The following PIN4 variants were observed in gnomAD, a reference collection of about 807,000 sequenced individuals.
PIN4 encodes peptidylprolyl cis/trans isomerase, NIMA-interacting 4, also known as peptidyl-prolyl cis-trans isomerase NIMA-interacting 4.
PIN4 carries 3 observed loss-of-function variants against 8.3 expected under a neutral mutation model. The observed-to-expected ratio is 0.36, with a 90% confidence interval of 0.16 to 0.93. The LOEUF (loss-of-function observed/expected upper bound fraction) is 0.93. Ranked by LOEUF, PIN4 falls within the 40% of genes least tolerant of loss-of-function variation. PIN4 has a pLI of 0.44. For missense variants in PIN4, 75 were observed against 100.6 expected (o/e 0.75, Z 1.09); for synonymous variants, 18 against 32.5 (o/e 0.55, Z 1.52).
intron 2 of PIN4, among the ~76,000 whole-genome samples, chrX:72,189,480 T>A (rs1366704952): frequency 8.9e-6 from 1 of 112,258 alleles, no homozygotes; most frequent in African/African-American, 3.3e-5. Flanking sequence ...GGATTGGTTT[T>A]ATTCACCCAG....
chrX:72,232,822 T>G, intron 3 of PIN4, among the ~76,000 whole-genome samples: 1 of 109,939 alleles, frequency 9.1e-6, no homozygotes, highest in South Asian at 3.9e-4. Flanking sequence ...GAAAAGAAAA[T>G]CACCACTTTG....
At chrX:72,186,802 C>T (rs1017022069) in intron 2 of PIN4, among the ~76,000 whole-genome samples, 12 of 111,241 alleles carry the variant, frequency 1.1e-4, no homozygotes, top group African/African-American at 3.6e-4. Context: ...CACTTGTAAT[C>T]CTAGCTACTT....
chrX:72,207,607 A>G (rs775077750), intron 3 of PIN4: 2 of 1,211,488 alleles, frequency 1.7e-6, no homozygotes, highest in South Asian at 1.8e-5. Context: ...GATATGATCT[A>G]AAGACACAAA....
intron 3 of PIN4, among the ~76,000 whole-genome samples, chrX:72,216,503 G>A (rs981788340): frequency 9.0e-6 from 1 of 111,591 alleles, no homozygotes; most frequent in Non-Finnish European, 1.9e-5. Flanking sequence ...CATTCACAAC[G>A]TGTAATCATC....
chrX:72,240,388 A>G (rs919942789), intron 3 of PIN4, among the ~76,000 whole-genome samples: 1 of 112,161 alleles, frequency 8.9e-6, no homozygotes, highest in African/African-American at 3.2e-5. Context: ...GAACACAGAC[A>G]TGACTCCTCA....
At chrX:72,199,297 G>A (rs1399247935), downstream of PIN4, among the ~76,000 whole-genome samples, 4 of 111,788 alleles carry the variant, frequency 3.6e-5, no homozygotes, top group Non-Finnish European at 7.5e-5. Context: ...CACTTTGGGA[G>A]GCTGATGCAG....
chrX:72,182,543 CAA>C (rs796279342), intron 1 of PIN4, among the ~76,000 whole-genome samples: 5 of 89,799 alleles, frequency 5.6e-5, no homozygotes, highest in Non-Finnish European at 1.1e-4. Flanking sequence ...GCCTCTGTCT[CAA>C]AAAAAAAAAA....
downstream of PIN4, among the ~76,000 whole-genome samples, chrX:72,201,034 C>CA (rs1261553252): frequency 1.7e-4 from 19 of 110,667 alleles, no homozygotes; most frequent in Admixed American, 7.7e-4. Context: ...ACCCTGTCTA[C>CA]AAAAAATTTT....
At chrX:72,253,680 A>G (rs1261798254) in intron 3 of PIN4, among the ~76,000 whole-genome samples, 1 of 109,931 alleles carries the variant, frequency 9.1e-6, no homozygotes, top group Non-Finnish European at 1.9e-5. Flanking sequence ...TCATACTGTA[A>G]TCCCAGCACT....
intron 3 of PIN4, among the ~76,000 whole-genome samples, chrX:72,214,542 A>G (rs1045768297): frequency 1.6e-4 from 17 of 109,510 alleles, no homozygotes; most frequent in Non-Finnish European, 5.7e-5. Flanking sequence ...GCATGGTGGC[A>G]GGCACCTGTA....
chrX:72,220,717 G>C (rs2042918281), intron 3 of PIN4, among the ~76,000 whole-genome samples: 1 of 110,963 alleles, frequency 9.0e-6, no homozygotes, highest in African/African-American at 3.3e-5. Flanking sequence ...AACATTCTAA[G>C]CTTGTGATAA....
intron 3 of PIN4, among the ~76,000 whole-genome samples, chrX:72,244,383 A>G (rs1238215849): frequency 8.9e-6 from 1 of 111,905 alleles, no homozygotes; most frequent in African/African-American, 3.2e-5. Flanking sequence ...TTAACCAAAC[A>G]AAAAGGGAAG....
chrX:72,210,630 T>C (rs1343018766), intron 3 of PIN4, among the ~76,000 whole-genome samples: 3 of 111,359 alleles, frequency 2.7e-5, no homozygotes, highest in African/African-American at 9.8e-5. Context: ...CCCTGATCCT[T>C]AGCTCTGGGC....
chrX:72,255,192 C>T (rs2043105024), intron 3 of PIN4, among the ~76,000 whole-genome samples: 1 of 108,380 alleles, frequency 9.2e-6, no homozygotes, highest in South Asian at 4.1e-4. Flanking sequence ...ATCGCTTGAG[C>T]CCAGGAGGTC....
At chrX:72,249,979 T>G (rs2043080496) in intron 3 of PIN4, among the ~76,000 whole-genome samples, 1 of 110,552 alleles carries the variant, frequency 9.0e-6, no homozygotes, top group Non-Finnish European at 1.9e-5. Flanking sequence ...GGCAAGGGCA[T>G]TTTCAAAATC....
chrX:72,260,614 T>G (rs1356746019), intron 3 of PIN4, among the ~76,000 whole-genome samples: 1 of 112,125 alleles, frequency 8.9e-6, no homozygotes, highest in Non-Finnish European at 1.9e-5. Context: ...TCCTCCTTAG[T>G]GTCTCCCACG....
chrX:72,202,678 A>T (rs776724063), downstream of PIN4, among the ~76,000 whole-genome samples: 32 of 111,674 alleles, frequency 2.9e-4, no homozygotes, highest in Non-Finnish European at 5.6e-4. Flanking sequence ...AATGATATAT[A>T]TTCAATCGTA....
Position 72,195,229 on chromosome X carries a change from T to G in PIN4, c.118-1556T>G, listed in dbSNP as rs751847619. On this transcript the variant is annotated intron_variant, in intron 2 of 3. Coordinates refer to ENST00000373669, the MANE Select transcript of PIN4 (RefSeq NM_006223.4). ...GTTTTTTTAAATCCATGGCTTTATG[T>G]AAACATAGGTCAAATTTGAATACTT... Among the ~76,000 whole-genome samples the G allele has an allele frequency of 1.9e-4, 21 of 112,545 alleles. No homozygotes were observed. In the East Asian group the frequency reaches 5.8e-3, roughly 31 times the overall value.
At position 72,186,543 on chromosome X, in the gene PIN4, C is replaced by T. The variant is rs1170926244; in HGVS notation, c.117+9C>T. On this transcript the variant is annotated intron_variant, in intron 2 of 3. Transcript: ENST00000373669. ...GTGGCAATGCAGTAAAGGTGAGTTA[C>T]TGGTTCCTTTTTTTCCATGTTAAAT... 8.8e-7 allele frequency: 1 copy of T among 1,140,471 alleles called. No individual in the cohort carries two copies. The highest frequency in any genetic ancestry group is 2.2e-5 in the Admixed American group (1 of 45,233). The allele number at this position is 1,140,471 out of a possible 1,213,427, so 94.0% of individuals were successfully genotyped here.
Sources: gnomAD v4.1 joint callset for allele counts (sites outside exome capture counted in the v4.1 genomes callset) on GRCh38, gnomAD v4.1.1 for gene constraint, MANE v1.5 for transcripts, NCBI Gene and HGNC (gene_info 2026-07-23, HGNC 2026-07-21) for gene names.